PDE7B: variants seen among roughly 807,000 people sequenced by gnomAD.
PDE7B encodes phosphodiesterase 7B.
PDE7B carries 29 observed loss-of-function variants against 56.2 expected under a neutral mutation model. That is an observed-to-expected ratio of 0.52 (90% CI 0.38 to 0.70). The LOEUF (loss-of-function observed/expected upper bound fraction) is 0.70, where lower values mean the gene tolerates loss of function less well. Ranked by LOEUF, PDE7B falls within the 30% of genes least tolerant of loss-of-function variation. PDE7B has a pLI of 0.00. For synonymous variants in PDE7B, 197 were observed against 196.9 expected (o/e 1.00, Z 0.00); for missense variants, 490 against 565.0 (o/e 0.87, Z 1.35).
chr6:135,979,422 C>A (rs1313589196), intron 2 of PDE7B, among the ~76,000 whole-genome samples: 1 of 151,594 alleles, frequency 6.6e-6, no homozygotes, highest in African/African-American at 2.4e-5. Flanking sequence ...CCCTCTTTTT[C>A]TATTGATTGG....
At chr6:135,867,940 TTTC>T (rs146673184) in intron 1 of PDE7B, among the ~76,000 whole-genome samples, 4,339 of 152,256 alleles carry the variant, frequency 0.028, 107 homozygotes, top group African/African-American at 0.067. Context: ...ATTTACAGTG[TTTC>T]TTCTTTAAAG....
intron 1 of PDE7B, among the ~76,000 whole-genome samples, chr6:135,906,169 A>G (rs1321418007): frequency 4.6e-5 from 7 of 152,182 alleles, no homozygotes; most frequent in South Asian, 2.1e-4. Context: ...TATTTTAGTC[A>G]GGGTCTGTGG....
At chr6:135,992,737 A>G (rs1310508059) in intron 2 of PDE7B, among the ~76,000 whole-genome samples, 1 of 152,244 alleles carries the variant, frequency 6.6e-6, no homozygotes, top group Non-Finnish European at 1.5e-5. Context: ...TGTTTCATCT[A>G]CGGATATTAA....
At chr6:135,973,418 A>G (rs1378000436) in intron 2 of PDE7B, among the ~76,000 whole-genome samples, 3 of 152,186 alleles carry the variant, frequency 2.0e-5, no homozygotes, top group African/African-American at 7.2e-5. Context: ...CTATTTGAAT[A>G]GTGCTGCAAT....
intron 2 of PDE7B, among the ~76,000 whole-genome samples, chr6:135,988,808 C>T (rs533295833): frequency 2.6e-5 from 4 of 152,256 alleles, no homozygotes; most frequent in African/African-American, 9.6e-5. Context: ...TAGGGGCCTA[C>T]ATTTTGTTTA....
chr6:136,035,219 T>C (rs999951543), intron 2 of PDE7B: 1 of 152,128 alleles, frequency 6.6e-6, no homozygotes, highest in African/African-American at 2.4e-5. Flanking sequence ...TGGCTGCAGA[T>C]ACCATATCAA....
chr6:136,155,875 A>G, intron 8 of PDE7B, 117 bp downstream of exon 8: 1 of 1,079,954 alleles, frequency 9.3e-7, no homozygotes, highest in East Asian at 2.5e-5. Context: ...AAGTTCAAAG[A>G]CGAATGAAAC....
chr6:135,992,290 G>T lies in PDE7B; in HGVS notation c.82+44766G>T, dbSNP rs137945283. On this transcript the variant is annotated intron_variant, in intron 2 of 12. Transcript: ENST00000308191. ...TAAGTATTGGGCCACATTCAAAGCT[G>T]TCCTGGGCTGCATGCAGCCCTTGGG... Among the ~76,000 whole-genome samples the T allele has an allele frequency of 4.6e-4, 70 of 151,854 alleles. No individual in the cohort carries two copies. In the East Asian group the frequency reaches 0.011, roughly 24 times the overall value.
intron 2 of PDE7B, among the ~76,000 whole-genome samples, chr6:136,042,514 G>A (rs1185609417): frequency 6.6e-6 from 1 of 152,110 alleles, no homozygotes; most frequent in Non-Finnish European, 1.5e-5. Context: ...ATTTCAATAA[G>A]CTTTGGTTCT....
intron 2 of PDE7B, among the ~76,000 whole-genome samples, chr6:135,977,265 C>G (rs572794350): frequency 9.9e-4 from 151 of 152,202 alleles, no homozygotes; most frequent in African/African-American, 3.5e-3. Flanking sequence ...GATCATAGAT[C>G]TAGGGATCCA....
chr6:135,949,957 A>G (rs373118479), intron 2 of PDE7B, among the ~76,000 whole-genome samples: 133 of 152,260 alleles, frequency 8.7e-4, no homozygotes, highest in South Asian at 8.5e-3. Context: ...ATTTTTTAAG[A>G]GAATTGCTGC....
intron 2 of PDE7B, among the ~76,000 whole-genome samples, chr6:136,010,340 A>T (rs576292138): frequency 3.1e-4 from 47 of 149,978 alleles, no homozygotes; most frequent in African/African-American, 1.1e-3. Context: ...AGGAATTCTA[A>T]CCTGCAGGGG....
At chr6:135,877,719 A>G (rs1011971281) in intron 1 of PDE7B, among the ~76,000 whole-genome samples, 2 of 151,460 alleles carry the variant, frequency 1.3e-5, no homozygotes, top group Non-Finnish European at 2.9e-5. Flanking sequence ...ATTCTTTGGG[A>G]AGTACACAGA....
chr6:136,122,838 G>C (rs986783124), intron 3 of PDE7B, among the ~76,000 whole-genome samples: 1 of 152,174 alleles, frequency 6.6e-6, no homozygotes, highest in Non-Finnish European at 1.5e-5. Flanking sequence ...AAGCTTCATG[G>C]AAGACTCTAG....
intron 1 of PDE7B, among the ~76,000 whole-genome samples, chr6:135,911,391 T>C (rs770322320): frequency 5.3e-5 from 8 of 152,244 alleles, no homozygotes; most frequent in South Asian, 4.1e-4. Context: ...CAGGGGAAAC[T>C]GAAGTCCTCT....
intron 3 of PDE7B, among the ~76,000 whole-genome samples, chr6:136,141,868 G>A (rs143733699): frequency 3.9e-3 from 581 of 150,524 alleles, no homozygotes; most frequent in East Asian, 0.016. Flanking sequence ...TTCGTCTTGC[G>A]AGCAGTCTAT....
In PDE7B at chr6:136,130,003, C is replaced by T. The variant is rs566279955; in HGVS notation, c.167-17348C>T. Among the ~76,000 whole-genome samples the T allele has an allele frequency of 1.2e-4, 18 of 152,218 alleles. No individual in the cohort carries two copies. The East Asian group carries it at 2.7e-3, about 23-fold the overall frequency. On this transcript the variant is annotated intron_variant, in intron 3 of 12. Transcript: ENST00000308191. ...AGTGGGTTTCTCTGTGGCTTTAGCA[C>T]GGTATGTGTATATTCATATTTTTTC... is the stretch of plus-strand genomic sequence containing the variant.
chr6:136,023,821 G>A (rs1460578063), intron 2 of PDE7B, among the ~76,000 whole-genome samples: 1 of 151,948 alleles, frequency 6.6e-6, no homozygotes. Context: ...TAAGACTTTC[G>A]GGAGTTGCTT....
rs564224056 is a variant in PDE7B, at chr6:136,167,840, C to T, written c.712-5957C>T. Among the ~76,000 whole-genome samples the T allele has an allele frequency of 3.9e-5, 6 of 152,202 alleles. No homozygotes were observed. The East Asian group carries it at 1.2e-3, about 29-fold the overall frequency. On this transcript the variant is annotated intron_variant, in intron 8 of 12. Coordinates refer to ENST00000308191, the MANE Select transcript of PDE7B (RefSeq NM_018945.4). Reference sequence around the variant, plus strand: ...TGAGTGGATACAAAAGGAACAAGGTCGGCTGCCTACTCATACCTAGCTTAT... The same window carrying T: ...TGAGTGGATACAAAAGGAACAAGGTTGGCTGCCTACTCATACCTAGCTTAT...
Sources: allele counts gnomAD v4.1 joint callset (sites outside exome capture counted in the v4.1 genomes callset), GRCh38; gene constraint gnomAD v4.1.1; transcripts MANE v1.5; gene names NCBI Gene and HGNC (gene_info 2026-07-23, HGNC 2026-07-21).